Variants in TNFSF4 observed in about 807,000 individuals in gnomAD.
The protein encoded by TNFSF4 is tumor necrosis factor ligand superfamily member 4.
In TNFSF4, 4 loss-of-function variants were observed where a neutral mutation model predicts 7.3. That is an observed-to-expected ratio of 0.55 (90% CI 0.27 to 1.25). The LOEUF (loss-of-function observed/expected upper bound fraction) is 1.25. Ranked by LOEUF, TNFSF4 falls within the 50% of genes most tolerant of loss-of-function variation. The probability of loss-of-function intolerance (pLI) is 0.12; values close to 1 mark genes in which losing one functional copy is unlikely to be tolerated. For synonymous variants in TNFSF4, 76 were observed against 83.7 expected, an observed-to-expected ratio of 0.91 and a Z score of 0.50; for missense variants, 181 against 208.8, an observed-to-expected ratio of 0.87 and a Z score of 0.82.
At chr1:173,242,127 C>G in the TNFSF4 span, among the ~76,000 whole-genome samples, 90 of 152,232 alleles carry the variant, frequency 5.9e-4, no homozygotes, top group African/African-American at 2.0e-3. Flanking sequence ...GAAAAATGTG[C>G]CCCTCCCAGC....
chr1:173,173,346 T>C, the TNFSF4 span, among the ~76,000 whole-genome samples: 1 of 152,170 alleles, frequency 6.6e-6, no homozygotes, highest in Non-Finnish European at 1.5e-5. Context: ...AAGTCCCTTT[T>C]GCCAACGAAC....
the TNFSF4 span, among the ~76,000 whole-genome samples, chr1:173,328,908 G>A: frequency 6.6e-6 from 1 of 152,152 alleles, no homozygotes; most frequent in African/African-American, 2.4e-5. Flanking sequence ...CTTTGGCCCA[G>A]TAATTCCACC....
At chr1:173,445,834 G>A in the TNFSF4 span, among the ~76,000 whole-genome samples, 1 of 152,088 alleles carries the variant, frequency 6.6e-6, no homozygotes, top group East Asian at 1.9e-4. Flanking sequence ...ACAGGCCCAG[G>A]CTTAACCCTG....
At chr1:173,324,292 A>C in the TNFSF4 span, among the ~76,000 whole-genome samples, 1 of 152,202 alleles carries the variant, frequency 6.6e-6, no homozygotes, top group Non-Finnish European at 1.5e-5. Flanking sequence ...GAAATAAAAT[A>C]CTTTACAGAC....
At chr1:173,205,242 C>T in intron 1 of TNFSF4, 1 of 1,572,420 alleles carries the variant, frequency 6.4e-7, no homozygotes, top group Non-Finnish European at 8.7e-7. Context: ...CTCAAATATA[C>T]CACCTATGTC....
At chr1:173,173,353 G>A in the TNFSF4 span, among the ~76,000 whole-genome samples, 1 of 152,126 alleles carries the variant, frequency 6.6e-6, no homozygotes, top group African/African-American at 2.4e-5. Context: ...TTTTGCCAAC[G>A]AACCTGTAAA....
the TNFSF4 span, among the ~76,000 whole-genome samples, chr1:173,397,365 T>C: frequency 2.0e-5 from 3 of 152,208 alleles, no homozygotes; most frequent in Non-Finnish European, 4.4e-5. Context: ...AAAGGGACCT[T>C]TGACCTTTTA....
At chr1:173,219,163 C>A in the TNFSF4 span, among the ~76,000 whole-genome samples, 2 of 152,324 alleles carry the variant, frequency 1.3e-5, no homozygotes, top group African/African-American at 4.8e-5. Context: ...TTGCTACCTT[C>A]TCTAGCCTTC....
the TNFSF4 span, among the ~76,000 whole-genome samples, chr1:173,425,123 G>A: frequency 8.8e-5 from 10 of 113,962 alleles, no homozygotes; most frequent in African/African-American, 2.4e-4. Flanking sequence ...TCTTTTAATT[G>A]GGTACAAAAG....
the TNFSF4 span, among the ~76,000 whole-genome samples, chr1:173,228,618 A>G: frequency 6.6e-6 from 1 of 152,240 alleles, no homozygotes; most frequent in East Asian, 1.9e-4. Context: ...GCTTCAGATG[A>G]TCAAATTTCT....
At chr1:173,325,754 T>G in the TNFSF4 span, among the ~76,000 whole-genome samples, 1 of 152,166 alleles carries the variant, frequency 6.6e-6, no homozygotes, top group African/African-American at 2.4e-5. Flanking sequence ...GCAAAGAAAC[T>G]AGAGAATCTA....
the TNFSF4 span, among the ~76,000 whole-genome samples, chr1:173,361,801 CA>C: frequency 2.0e-5 from 3 of 152,248 alleles, no homozygotes; most frequent in Middle Eastern, 3.4e-3. Context: ...AAACTGGCCC[CA>C]AAAGCACATA....
At chr1:173,294,521 C>A in the TNFSF4 span, among the ~76,000 whole-genome samples, 6 of 151,910 alleles carry the variant, frequency 3.9e-5, no homozygotes, top group Non-Finnish European at 8.8e-5. Context: ...GTGATGGGAT[C>A]ATTCATACCC....
At chr1:173,388,868 T>C in the TNFSF4 span, among the ~76,000 whole-genome samples, 1 of 152,168 alleles carries the variant, frequency 6.6e-6, no homozygotes, top group Admixed American at 6.5e-5. Flanking sequence ...TTCTTGGGCC[T>C]CTTTAGTGAC....
At chr1:173,199,738 T>A (rs921603955) in intron 1 of TNFSF4, among the ~76,000 whole-genome samples, 1 of 152,222 alleles carries the variant, frequency 6.6e-6, no homozygotes, top group African/African-American at 2.4e-5. Context: ...GTTGAATAGG[T>A]ATTTGTATAG....
chr1:173,383,848 T>C, the TNFSF4 span, among the ~76,000 whole-genome samples: 1 of 152,156 alleles, frequency 6.6e-6, no homozygotes, highest in Non-Finnish European at 1.5e-5. Context: ...GAACTGAGTT[T>C]CCAACCGTAT....
At chr1:173,276,029 A>G in the TNFSF4 span, among the ~76,000 whole-genome samples, 72 of 152,228 alleles carry the variant, frequency 4.7e-4, 1 homozygote, top group South Asian at 0.015. Flanking sequence ...AATGAAAACC[A>G]TTGCTTTAGT....
chr1:173,330,018 C>T, the TNFSF4 span, among the ~76,000 whole-genome samples: 7 of 152,118 alleles, frequency 4.6e-5, no homozygotes, highest in African/African-American at 1.7e-4. Flanking sequence ...CAGATCAGCT[C>T]CTGTCCATAG....
chr1:173,260,002 T>C, the TNFSF4 span, among the ~76,000 whole-genome samples: 5 of 152,068 alleles, frequency 3.3e-5, no homozygotes, highest in East Asian at 5.8e-4. Context: ...CCCACTAAGA[T>C]ACTCCATGAG....
Sources: gnomAD v4.1 joint callset for allele counts (sites outside exome capture counted in the v4.1 genomes callset) on GRCh38, gnomAD v4.1.1 for gene constraint, MANE v1.5 for transcripts, NCBI Gene and HGNC (gene_info 2026-07-23, HGNC 2026-07-21) for gene names.